The following MYO18B variants were observed in gnomAD, a reference collection of about 807,000 sequenced individuals.
The protein encoded by MYO18B is unconventional myosin-XVIIIb.
A neutral mutation model predicts 273.0 loss-of-function variants in MYO18B; 204 were observed. The observed-to-expected ratio is 0.75, with a 90% CI of 0.67 to 0.84. The LOEUF (loss-of-function observed/expected upper bound fraction) is 0.84, where lower values mean the gene tolerates loss of function less well. Ranked by LOEUF, MYO18B falls within the 40% of genes least tolerant of loss-of-function variation. The pLI is 0.00. For missense variants in MYO18B, 3,212 were observed against 3,287.6 expected, an observed-to-expected ratio of 0.98 and a Z score of 0.56; for synonymous variants, 1,330 against 1,305.7, an observed-to-expected ratio of 1.02 and a Z score of -0.40.
intron 3 of MYO18B, 98 bp downstream of exon 3, chr22:25,763,487 C>T: frequency 7.2e-7 from 1 of 1,392,202 alleles, no homozygotes; most frequent in Non-Finnish European, 9.7e-7. Flanking sequence ...GCCTTTGCTC[C>T]TGCTGTCCTG....
chr22:25,764,837 A>G (rs555466018), intron 3 of MYO18B, among the ~76,000 whole-genome samples: 59 of 152,228 alleles, frequency 3.9e-4, no homozygotes, highest in Non-Finnish European at 6.5e-4. Context: ...CCGTGCAGCA[A>G]TGCAGGTGGA....
chr22:26,019,914 G>T (rs1935672206), intron 42 of MYO18B, among the ~76,000 whole-genome samples: 1 of 152,088 alleles, frequency 6.6e-6, no homozygotes, highest in East Asian at 1.9e-4. Flanking sequence ...TCCTTGACTT[G>T]GACTTTCTTG....
At chr22:25,783,685 A>G (rs559483236) in intron 10 of MYO18B, among the ~76,000 whole-genome samples, 1 of 152,320 alleles carries the variant, frequency 6.6e-6, no homozygotes, top group South Asian at 2.1e-4. Flanking sequence ...AGGATGCCAG[A>G]CGTTCATTCC....
At chr22:25,797,564 C>T (rs762505234) in intron 11 of MYO18B, among the ~76,000 whole-genome samples, 1 of 152,174 alleles carries the variant, frequency 6.6e-6, no homozygotes. Flanking sequence ...GCCTACCTAC[C>T]ACTTAGCCCT....
intron 21 of MYO18B, among the ~76,000 whole-genome samples, chr22:25,855,825 C>CTT (rs59922626): frequency 8.5e-5 from 12 of 141,816 alleles, no homozygotes; most frequent in Admixed American, 1.4e-4. Context: ...TACTTTCTTT[C>CTT]TTTTTTTTTT....
At chr22:25,885,984 A>C (rs2091487019) in intron 25 of MYO18B, among the ~76,000 whole-genome samples, 1 of 152,174 alleles carries the variant, frequency 6.6e-6, no homozygotes, top group Non-Finnish European at 1.5e-5. Flanking sequence ...GCTGTCATGC[A>C]CTTGTTAGTT....
intron 13 of MYO18B, among the ~76,000 whole-genome samples, chr22:25,824,148 G>A (rs964159494): frequency 6.6e-6 from 1 of 152,206 alleles, no homozygotes; most frequent in African/African-American, 2.4e-5. Flanking sequence ...TCAGGCCCTT[G>A]GGAAGCCGTG....
intron 42 of MYO18B, among the ~76,000 whole-genome samples, 166 bp from the exon 43 acceptor site, chr22:26,026,276 ATGG>A (rs1936232683): frequency 1.3e-5 from 2 of 152,220 alleles, no homozygotes; most frequent in Non-Finnish European, 2.9e-5. Context: ...AATCATTTAC[ATGG>A]CTTGAATTTG....
At chr22:26,023,071 G>T (rs1342755756) in intron 42 of MYO18B, among the ~76,000 whole-genome samples, 1 of 152,198 alleles carries the variant, frequency 6.6e-6, no homozygotes, top group East Asian at 1.9e-4. Flanking sequence ...AAAGGCCTCT[G>T]TTTCCCCTCT....
chr22:25,811,566 G>A (rs1390873785), intron 12 of MYO18B, among the ~76,000 whole-genome samples: 1 of 152,184 alleles, frequency 6.6e-6, no homozygotes. Context: ...GGATTAAGTG[G>A]TTGGTTATTG....
At chr22:25,921,622 C>T (rs1298647284) in intron 34 of MYO18B, among the ~76,000 whole-genome samples, 2 of 152,004 alleles carry the variant, frequency 1.3e-5, no homozygotes, top group Non-Finnish European at 2.9e-5. Flanking sequence ...TTCCCTTTTT[C>T]AGAGATGAGG....
At chr22:26,063,229 C>G in the MYO18B span, among the ~76,000 whole-genome samples, 2 of 152,186 alleles carry the variant, frequency 1.3e-5, no homozygotes, top group Non-Finnish European at 2.9e-5. Flanking sequence ...AGCTGAGAAG[C>G]AGTTTTCATT....
intron 39 of MYO18B, 96 bp from the exon 40 acceptor site, chr22:25,992,267 C>T: frequency 1.3e-6 from 2 of 1,505,718 alleles, no homozygotes; most frequent in South Asian, 1.2e-5. Context: ...TCAGTGAACA[C>T]TAGGCTCAGC....
At chr22:26,045,777 C>G in the MYO18B span, among the ~76,000 whole-genome samples, 1 of 152,156 alleles carries the variant, frequency 6.6e-6, no homozygotes, top group Admixed American at 6.5e-5. Flanking sequence ...GACTGCCACC[C>G]GCAAATAGGT....
chr22:25,819,380 G>T lies in MYO18B; in HGVS notation c.2522-4125G>T, dbSNP rs555412497. 3.7e-4 allele frequency among the ~76,000 whole-genome samples: 56 copies of T among 152,310 alleles called. 1 individual carries two copies. Among genetic ancestry groups the T allele is most frequent in the African/African-American group, 1.3e-3 (55 of 41,576 alleles). On this transcript the variant is annotated intron_variant, in intron 12 of 43. Transcript: ENST00000335473. ...ACAGTTGCAAGTGTTTAGAGAGCAG[G>T]CATGGAGTAGAGCAAGAGGAGGGGA...
At chr22:25,797,930 T>C in intron 11 of MYO18B, 23 bp from the exon 12 acceptor site, 1 of 1,613,964 alleles carries the variant, frequency 6.2e-7, no homozygotes, top group Non-Finnish European at 8.5e-7. Flanking sequence ...CCTTGTTTTC[T>C]TCCTCTCTCC....
chr22:26,043,503 TTTTC>T, the MYO18B span, among the ~76,000 whole-genome samples: 2 of 147,274 alleles, frequency 1.4e-5, no homozygotes, highest in East Asian at 3.9e-4. Context: ...TCTTCCTTTT[TTTTC>T]TTTCTTTTTT....
intron 27 of MYO18B, 80 bp downstream of exon 27, chr22:25,891,492 C>T: frequency 1.1e-6 from 1 of 922,272 alleles, no homozygotes; most frequent in Non-Finnish European, 1.7e-6. Flanking sequence ...TCATAGAGCA[C>T]TTTTTAGGTG....
rs2090162114 is a variant in MYO18B, at chr22:25,844,001, C to G, written c.3368+107C>G. Reference sequence around the variant, plus strand: ...ACAACACAGTGTGGGAGGGCCAGCCCAGGAATCCCATCCCTCCATAATGGA... The same window carrying G: ...ACAACACAGTGTGGGAGGGCCAGCCGAGGAATCCCATCCCTCCATAATGGA... On this transcript the variant is annotated intron_variant, in intron 18 of 43. Transcript: ENST00000335473. 5 of 1,003,496 alleles carry G rather than the reference C, an allele frequency of 5.0e-6. No individual in the cohort carries two copies. The South Asian group carries it at 9.4e-5, about 19-fold the overall frequency. 62.2% of individuals were successfully genotyped at this position (1,003,496 alleles called of 1,614,324 possible).
Sources: gnomAD v4.1 joint callset for allele counts (sites outside exome capture counted in the v4.1 genomes callset) on GRCh38, gnomAD v4.1.1 for gene constraint, MANE v1.5 for transcripts, NCBI Gene and HGNC (gene_info 2026-07-23, HGNC 2026-07-21) for gene names.